Variants in TTC27 observed in about 807,000 individuals in gnomAD.
TTC27 encodes the protein tetratricopeptide repeat protein 27.
In TTC27, 79 loss-of-function variants were observed where a neutral mutation model predicts 115.9. The observed-to-expected ratio is 0.68, with a 90% CI of 0.57 to 0.82. TTC27 has a LOEUF of 0.82. Ranked by LOEUF, TTC27 falls within the 40% of genes least tolerant of loss-of-function variation. The pLI, the probability that TTC27 is intolerant of heterozygous loss-of-function variation, is 0.00. For synonymous variants in TTC27, 401 were observed against 356.0 expected (o/e 1.13, Z -1.42); for missense variants, 1,054 against 993.1 (o/e 1.06, Z -0.82).
chr2:32,660,289 T>C (rs1665490571), intron 5 of TTC27, among the ~76,000 whole-genome samples: 1 of 152,232 alleles, frequency 6.6e-6, no homozygotes, highest in Non-Finnish European at 1.5e-5. Flanking sequence ...TTTTTTCATA[T>C]GTTTATTGGC....
chr2:32,702,616 A>G (rs1389754778), intron 9 of TTC27, among the ~76,000 whole-genome samples, 191 bp from the exon 10 acceptor site: 1 of 152,242 alleles, frequency 6.6e-6, no homozygotes, highest in East Asian at 1.9e-4. Flanking sequence ...GCCAGAAAGC[A>G]TTCTCATATG....
At chr2:32,769,572 A>G (rs979039077) in intron 13 of TTC27, among the ~76,000 whole-genome samples, 3 of 152,196 alleles carry the variant, frequency 2.0e-5, no homozygotes, top group Admixed American at 6.5e-5. Context: ...ACTCCTGTGG[A>G]TAAAGGAGAG....
At chr2:32,716,843 A>G (rs1276050709) in intron 10 of TTC27, among the ~76,000 whole-genome samples, 1 of 150,656 alleles carries the variant, frequency 6.6e-6, no homozygotes. Flanking sequence ...ATAGATACCC[A>G]TCACCATGCC....
chr2:32,633,964 C>T lies in TTC27; in HGVS notation c.355C>T (p.Gln119Ter). The T allele has an allele frequency of 6.2e-7, 1 of 1,613,854 alleles. No individual in the cohort carries two copies. The highest frequency in any genetic ancestry group is 8.5e-7 in the Non-Finnish European group (1 of 1,179,856). ...GGGGCCCCCTGTTGACTTACACCCT[C>T]AGGACTTTTTGTCATCTGTTTTGTT... is the stretch of plus-strand genomic sequence containing the variant. ...WTGPPVDLHP[Q>*]DFLSSVLFQQ... is the part of the protein sequence containing the mutation. The change falls in exon 3 of 20, where the codon CAG becomes TAG. Residue 119 changes from glutamine (Q) to a stop codon, truncating the protein, a stop_gained. Transcript: ENST00000317907. LOFTEE classifies it high-confidence loss of function.
chr2:32,740,779 C>T (rs571308495), intron 12 of TTC27, among the ~76,000 whole-genome samples: 3 of 152,262 alleles, frequency 2.0e-5, no homozygotes, highest in East Asian at 1.9e-4. Context: ...CTCAGCCTCC[C>T]GAGTAGCTGG....
intron 13 of TTC27, among the ~76,000 whole-genome samples, chr2:32,777,398 G>A (rs1417923095): frequency 6.6e-6 from 1 of 152,206 alleles, no homozygotes. Flanking sequence ...ATTTTCTTAT[G>A]ACTTATGTAC....
intron 3 of TTC27, among the ~76,000 whole-genome samples, chr2:32,634,489 A>G (rs1022948092): frequency 2.0e-5 from 3 of 151,464 alleles, no homozygotes; most frequent in East Asian, 1.9e-4. Flanking sequence ...GAGTTTTGCC[A>G]TGTTGCCCAG....
rs1391862053 is a variant in TTC27 at position 32,677,367 on chromosome 2, C to T, written c.1053-1489C>T. ...GTATCTCATTCTTGATATATCTGTT[C>T]AAGAATTCCTCTGGTCTCTCTATCT... On this transcript the variant is annotated intron_variant, in intron 8 of 19. Coordinates refer to ENST00000317907, the MANE Select transcript of TTC27 (RefSeq NM_017735.5). Among the ~76,000 whole-genome samples the T allele has an allele frequency of 2.0e-5, 3 of 151,816 alleles. No individual in the cohort carries two copies. In the East Asian group the frequency reaches 5.8e-4, roughly 29 times the overall value.
At chr2:32,666,575 C>T in intron 6 of TTC27, 60 bp from the exon 7 acceptor site, 1 of 1,561,294 alleles carries the variant, frequency 6.4e-7, no homozygotes, top group Non-Finnish European at 8.7e-7. Flanking sequence ...TATTACTCTT[C>T]ATGACTGTAC....
chr2:32,636,091 T>C (rs1008423936), intron 3 of TTC27, among the ~76,000 whole-genome samples: 1 of 152,236 alleles, frequency 6.6e-6, no homozygotes, highest in Admixed American at 6.5e-5. Flanking sequence ...CCCTCTCTTA[T>C]TATGTATGAA....
intron 2 of TTC27, among the ~76,000 whole-genome samples, chr2:32,632,934 C>T (rs1284693064): frequency 6.6e-6 from 1 of 151,988 alleles, no homozygotes; most frequent in Admixed American, 6.6e-5. Flanking sequence ...ATATGCAAAG[C>T]CTAAAATATT....
At chr2:32,785,659 G>A (rs1270484465) in intron 15 of TTC27, among the ~76,000 whole-genome samples, 1 of 152,120 alleles carries the variant, frequency 6.6e-6, no homozygotes, top group Non-Finnish European at 1.5e-5. Flanking sequence ...GCAGTGGCGC[G>A]ATCTCAGCGC....
intron 4 of TTC27, among the ~76,000 whole-genome samples, chr2:32,643,664 T>C (rs1240422608): frequency 6.6e-6 from 1 of 152,152 alleles, no homozygotes; most frequent in African/African-American, 2.4e-5. Context: ...CATTATTTTC[T>C]TTCTAGTGAG....
At chr2:32,814,155 C>A (rs1194458765) in intron 18 of TTC27, among the ~76,000 whole-genome samples, 2 of 152,212 alleles carry the variant, frequency 1.3e-5, no homozygotes, top group African/African-American at 4.8e-5. Flanking sequence ...CTGTAACAGT[C>A]AAAGCCACGC....
chr2:32,630,501 G>T, intron 1 of TTC27, 22 bp from the exon 2 acceptor site: 1 of 1,556,902 alleles, frequency 6.4e-7, no homozygotes, highest in Non-Finnish European at 8.7e-7. Flanking sequence ...TTGGATTACC[G>T]CACTAATTTT....
chr2:32,671,901 A>G (rs933677706), intron 7 of TTC27, among the ~76,000 whole-genome samples: 1 of 152,220 alleles, frequency 6.6e-6, no homozygotes, highest in Non-Finnish European at 1.5e-5. Context: ...AGCTTCAAGT[A>G]TCTGATTCTT....
chr2:32,786,457 G>A lies in TTC27; in HGVS notation c.1833-527G>A, dbSNP rs558979444. ...TGCCTGGCCACCTTAAAATTTTGTCGTTAGTAAATTTATGTCCTGTTGACT... is the reference window on the plus strand; with the variant it reads ...TGCCTGGCCACCTTAAAATTTTGTCATTAGTAAATTTATGTCCTGTTGACT... On this transcript the variant is annotated intron_variant, in intron 15 of 19. Coordinates refer to ENST00000317907, the MANE Select transcript of TTC27 (RefSeq NM_017735.5). 3.7e-4 allele frequency among the ~76,000 whole-genome samples: 57 copies of A among 152,210 alleles called. No homozygotes were observed. In the South Asian group the frequency reaches 0.011, roughly 30 times the overall value.
chr2:32,717,311 C>T (rs1305576501), intron 10 of TTC27, among the ~76,000 whole-genome samples: 1 of 152,078 alleles, frequency 6.6e-6, no homozygotes, highest in African/African-American at 2.4e-5. Context: ...CCCAATCTTA[C>T]AGCATTGTAA....
intron 14 of TTC27, chr2:32,780,152 T>A (rs917965949): frequency 1.6e-5 from 7 of 449,460 alleles, no homozygotes; most frequent in Non-Finnish European, 2.8e-5. Context: ...CAAGATAGTT[T>A]TGGCTATTCA....
Sources: gnomAD v4.1 joint callset for allele counts (sites outside exome capture counted in the v4.1 genomes callset) on GRCh38, gnomAD v4.1.1 for gene constraint, MANE v1.5 for transcripts, NCBI Gene and HGNC (gene_info 2026-07-23, HGNC 2026-07-21) for gene names.